Variants in NAV3 observed in about 807,000 individuals in gnomAD.
The protein encoded by NAV3 is pore membrane and/or filament interacting like protein 1.
NAV3 carries 87 observed loss-of-function variants against 244.7 expected under a neutral mutation model. The observed-to-expected ratio is 0.36, with a 90% CI of 0.30 to 0.42. The LOEUF is 0.42. Ranked by LOEUF, NAV3 falls within the 20% of genes least tolerant of loss-of-function variation. The probability of loss-of-function intolerance (pLI) is 1.00; values close to 1 mark genes in which losing one functional copy is unlikely to be tolerated. For synonymous variants in NAV3, 1,126 were observed against 1,042.2 expected, an observed-to-expected ratio of 1.08 and a Z score of -1.55; for missense variants, 2,663 against 2,893.3, an observed-to-expected ratio of 0.92 and a Z score of 1.83.
intron 1 of NAV3, among the ~76,000 whole-genome samples, chr12:77,927,722 CTTATAA>C (rs1888353134): frequency 1.3e-5 from 2 of 152,102 alleles, no homozygotes; most frequent in African/African-American, 4.8e-5. Context: ...CAGATTGTGC[CTTATAA>C]TTATAATAGC....
intron 1 of NAV3, among the ~76,000 whole-genome samples, chr12:77,916,591 T>G (rs1166444637): frequency 6.6e-6 from 1 of 152,076 alleles, no homozygotes; most frequent in Non-Finnish European, 1.5e-5. Flanking sequence ...TGTCTTCTTT[T>G]TTTCCTGTAG....
chr12:77,969,763 G>C (rs1183566734), intron 5 of NAV3, among the ~76,000 whole-genome samples: 1 of 152,144 alleles, frequency 6.6e-6, no homozygotes, highest in African/African-American at 2.4e-5. Context: ...AGAATTGCTT[G>C]AACCAGGGAG....
chr12:77,842,110 A>G (rs908073472), intron 1 of NAV3, among the ~76,000 whole-genome samples: 3 of 152,212 alleles, frequency 2.0e-5, no homozygotes, highest in Admixed American at 6.5e-5. Flanking sequence ...CAGATTGTCA[A>G]TAAGTTGTCC....
At chr12:78,104,185 T>G (rs1352766594) in intron 12 of NAV3, among the ~76,000 whole-genome samples, 4 of 152,206 alleles carry the variant, frequency 2.6e-5, no homozygotes, top group Non-Finnish European at 5.9e-5. Context: ...GTTGGTTGTT[T>G]ATGTAAACAA....
rs1054383845 is a variant in NAV3 at position 78,062,892 on chromosome 12, A to G, written c.2636+3777A>G. Among the ~76,000 whole-genome samples the G allele has an allele frequency of 3.9e-5, 6 of 151,932 alleles. No individual in the cohort carries two copies. In the East Asian group the frequency reaches 9.7e-4, roughly 25 times the overall value. ...GACAAGAAAGCTTAAAAGTCAAAAG[A>G]AAAAAAAATCCACAGCATTTTTTTT... On this transcript the variant is annotated intron_variant, in intron 12 of 39. Transcript: ENST00000397909.
intron 5 of NAV3, among the ~76,000 whole-genome samples, chr12:77,977,232 A>T (rs568672011): frequency 1.3e-5 from 2 of 152,210 alleles, no homozygotes; most frequent in African/African-American, 4.8e-5. Context: ...AGTTGCTATG[A>T]TAACTTGATT....
intron 1 of NAV3, among the ~76,000 whole-genome samples, chr12:77,869,737 T>C (rs1880653851): frequency 6.6e-6 from 1 of 152,226 alleles, no homozygotes; most frequent in African/African-American, 2.4e-5. Context: ...AGAGCCCTTA[T>C]TCAATTTTTA....
intron 7 of NAV3, 75 bp from the exon 8 acceptor site, chr12:78,006,344 G>A (rs2136549777): frequency 2.2e-6 from 3 of 1,355,932 alleles, no homozygotes; most frequent in East Asian, 2.3e-5. Context: ...CAATAGTTTG[G>A]AAGTTCTCAA....
chr12:78,141,120 G>A (rs1956592794), intron 20 of NAV3, among the ~76,000 whole-genome samples: 2 of 152,002 alleles, frequency 1.3e-5, no homozygotes, highest in South Asian at 4.1e-4. Context: ...AATACCCATG[G>A]CTTCAAGCAA....
intron 2 of NAV3, among the ~76,000 whole-genome samples, chr12:77,822,558 T>C (rs1318299518): frequency 6.6e-6 from 1 of 152,196 alleles, no homozygotes; most frequent in African/African-American, 2.4e-5. Flanking sequence ...TAGTGTCTTA[T>C]GTGTTAGAAG....
intron 16 of NAV3, among the ~76,000 whole-genome samples, chr12:78,123,682 T>C (rs780411276): frequency 1.3e-5 from 2 of 152,182 alleles, no homozygotes; most frequent in Non-Finnish European, 2.9e-5. Context: ...TTTCCTATGG[T>C]GGGCTGCTAA....
chr12:78,079,298 C>A (rs1376801518), intron 12 of NAV3, among the ~76,000 whole-genome samples: 1 of 152,048 alleles, frequency 6.6e-6, no homozygotes, highest in Non-Finnish European at 1.5e-5. Context: ...TATAGCTTAG[C>A]TAGCTGGAAA....
chr12:77,804,116 G>A (rs1156583135), intron 2 of NAV3, among the ~76,000 whole-genome samples: 2 of 151,856 alleles, frequency 1.3e-5, no homozygotes, highest in African/African-American at 4.8e-5. Flanking sequence ...GTTTTGTTTT[G>A]TTTGTTTGTT....
chr12:78,189,157 T>A (rs1315439106), intron 33 of NAV3, among the ~76,000 whole-genome samples: 1 of 151,924 alleles, frequency 6.6e-6, no homozygotes, highest in Non-Finnish European at 1.5e-5. Context: ...AAAATGTGTA[T>A]GCCTAATAAA....
At chr12:77,922,953 C>T (rs867230094) in intron 1 of NAV3, among the ~76,000 whole-genome samples, 6 of 151,940 alleles carry the variant, frequency 3.9e-5, no homozygotes, top group African/African-American at 1.2e-4. Context: ...TATTTTTATA[C>T]GTACATCTTA....
At chr12:77,923,241 G>A (rs961258996) in intron 1 of NAV3, among the ~76,000 whole-genome samples, 5 of 151,998 alleles carry the variant, frequency 3.3e-5, no homozygotes, top group African/African-American at 4.8e-5. Flanking sequence ...GAAATAAAAA[G>A]CACATTTTCT....
At chr12:77,873,038 G>A (rs1428643815) in intron 1 of NAV3, among the ~76,000 whole-genome samples, 1 of 152,092 alleles carries the variant, frequency 6.6e-6, no homozygotes, top group African/African-American at 2.4e-5. Flanking sequence ...TAGTTAGTAA[G>A]TCTCACGAGA....
intron 2 of NAV3, among the ~76,000 whole-genome samples, chr12:77,677,990 T>C (rs1304441301): frequency 6.6e-6 from 1 of 152,186 alleles, no homozygotes; most frequent in Non-Finnish European, 1.5e-5. Flanking sequence ...ACTTTAAGAC[T>C]CTTAAATAGT....
In NAV3 at chr12:77,694,472, AATT is replaced by A. The variant is rs1278646601; in HGVS notation, c.72+122208_72+122210del. On this transcript the variant is annotated intron_variant, in intron 2 of 8. Coordinates refer to the NAV3 transcript ENST00000550042. Reference sequence around the variant, plus strand: ...TGGGCTACAGAGCAAACTCCATCTCAATTAAAAAAAAAAAAAAAGGCAGTCTCT... The same window carrying A: ...TGGGCTACAGAGCAAACTCCATCTCAAAAAAAAAAAAAAAAGGCAGTCTCT... 2.0e-3 allele frequency among the ~76,000 whole-genome samples: 291 copies of A among 148,912 alleles called. 3 individuals carry two copies. The highest frequency in any genetic ancestry group is 6.9e-3 in the African/African-American group (271 of 39,034).
Sources: gnomAD v4.1 joint callset for allele counts (sites outside exome capture counted in the v4.1 genomes callset) on GRCh38, gnomAD v4.1.1 for gene constraint, MANE v1.5 for transcripts, NCBI Gene and HGNC (gene_info 2026-07-23, HGNC 2026-07-21) for gene names.